ERC1: variants seen among roughly 807,000 people sequenced by gnomAD.
ERC1 encodes the protein RAB6 interacting protein 2.
Under a neutral mutation model 132.0 loss-of-function variants are expected in ERC1, and 56 were observed. The ratio of observed to expected loss-of-function variants is 0.42; its 90% CI spans 0.34 to 0.53. The LOEUF (loss-of-function observed/expected upper bound fraction) is 0.53. Among genes scored for constraint, ERC1 ranks in the 20% least tolerant of loss-of-function variants. The pLI is 0.03. For missense variants in ERC1, 1,202 were observed against 1,349.9 expected (o/e 0.89, Z 1.72); for synonymous variants, 478 against 476.1 (o/e 1.00, Z -0.05).
At chr12:1,311,898 CT>C (rs1200384811) in intron 15 of ERC1, among the ~76,000 whole-genome samples, 1 of 152,160 alleles carries the variant, frequency 6.6e-6, no homozygotes, top group Non-Finnish European at 1.5e-5. Flanking sequence ...AGTATAAAAA[CT>C]TTCCCATTGA....
chr12:1,114,572 C>T (rs1946250197), intron 6 of ERC1, among the ~76,000 whole-genome samples: 1 of 152,078 alleles, frequency 6.6e-6, no homozygotes, highest in African/African-American at 2.4e-5. Flanking sequence ...TTGTTACAAT[C>T]AGTGTGTTAG....
At chr12:1,157,244 A>AG (rs1951489460) in intron 8 of ERC1, among the ~76,000 whole-genome samples, 1 of 152,192 alleles carries the variant, frequency 6.6e-6, no homozygotes, top group South Asian at 2.1e-4. Context: ...GCTGGGCTAC[A>AG]GCCGCACACA....
intron 8 of ERC1, among the ~76,000 whole-genome samples, chr12:1,145,094 G>T (rs932492576): frequency 1.3e-5 from 2 of 151,502 alleles, no homozygotes; most frequent in Non-Finnish European, 2.9e-5. Context: ...TCGGCTCACT[G>T]CAACCTCCGT....
Position 1,236,825 on chromosome 12 carries a change from A to G in ERC1, c.2408A>G (p.Glu803Gly), listed in dbSNP as rs749768354. The G allele has an allele frequency of 2.5e-6, 4 of 1,613,722 alleles. No homozygotes were observed. Among genetic ancestry groups the G allele is most frequent in the Non-Finnish European group, 3.4e-6 (4 of 1,179,822 alleles). The change falls in exon 13 of 19, where the codon GAA (glutamate) becomes GGA (glycine). Residue 803 changes from glutamate (E) to glycine (G), a missense_variant. Glu to Gly is a moderately conservative substitution (Grantham distance 98). Transcript: ENST00000360905. ...VANLKHKEQV[E>G]KKKSAQMLEE... The stretch of plus-strand genomic sequence containing the variant: ...AATCTGAAGCACAAGGAACAGGTGG[A>G]AAAAAAGAAGAGTGCACAAATGTTA...
chr12:1,176,025 C>T (rs1173114449), intron 8 of ERC1, among the ~76,000 whole-genome samples: 1 of 152,110 alleles, frequency 6.6e-6, no homozygotes, highest in African/African-American at 2.4e-5. Context: ...ATATTTTGAC[C>T]TCCTATTGTG....
chr12:1,330,269 C>T (rs2082766137), intron 15 of ERC1, among the ~76,000 whole-genome samples: 1 of 152,172 alleles, frequency 6.6e-6, no homozygotes, highest in Non-Finnish European at 1.5e-5. Context: ...GTGAGTGATC[C>T]TTTCAGCTTT....
At chr12:1,331,230 T>C (rs544032686) in intron 15 of ERC1, among the ~76,000 whole-genome samples, 12 of 152,328 alleles carry the variant, frequency 7.9e-5, no homozygotes, top group African/African-American at 2.9e-4. Flanking sequence ...TTTTACCTGT[T>C]TTGTGTTATA....
chr12:1,196,462 TG>T (rs1196991337), intron 12 of ERC1, among the ~76,000 whole-genome samples: 3 of 151,650 alleles, frequency 2.0e-5, no homozygotes, highest in South Asian at 2.1e-4. Flanking sequence ...CTTTTTGGGT[TG>T]GGGGGGTATG....
chr12:1,210,391 A>G (rs1957754174), intron 12 of ERC1, among the ~76,000 whole-genome samples: 2 of 152,272 alleles, frequency 1.3e-5, no homozygotes, highest in South Asian at 2.1e-4. Context: ...TGCAGTGTTT[A>G]TCCACTGTTG....
At chr12:1,019,419 C>T (rs569065634) in intron 1 of ERC1, among the ~76,000 whole-genome samples, 1 of 152,260 alleles carries the variant, frequency 6.6e-6, no homozygotes, top group Non-Finnish European at 1.5e-5. Context: ...GCCACCGTGC[C>T]CAGCCAAGAC....
At chr12:1,446,128 G>T (rs372435442) in intron 18 of ERC1, among the ~76,000 whole-genome samples, 1 of 152,080 alleles carries the variant, frequency 6.6e-6, no homozygotes, top group Admixed American at 6.6e-5. Context: ...CTCCCTAGAC[G>T]ACATTTTCTG....
intron 8 of ERC1, among the ~76,000 whole-genome samples, chr12:1,176,405 A>G (rs571097048): frequency 3.7e-4 from 56 of 152,118 alleles, no homozygotes; most frequent in Non-Finnish European, 6.8e-4. Context: ...TAGAGGCTTC[A>G]TTGTTCCATT....
chr12:1,050,332 A>T (rs985922240), intron 2 of ERC1, among the ~76,000 whole-genome samples: 1 of 152,202 alleles, frequency 6.6e-6, no homozygotes, highest in Non-Finnish European at 1.5e-5. Flanking sequence ...AGCAAACAGG[A>T]TAGAATGAGA....
chr12:1,436,963 G>A (rs2092967084), intron 17 of ERC1, among the ~76,000 whole-genome samples: 3 of 150,916 alleles, frequency 2.0e-5, no homozygotes, highest in African/African-American at 7.4e-5. Context: ...CAGTAGGGAA[G>A]CCATTCAGAT....
chr12:1,478,871 A>T (rs1053924416), intron 18 of ERC1, among the ~76,000 whole-genome samples: 1 of 151,790 alleles, frequency 6.6e-6, no homozygotes, highest in Non-Finnish European at 1.5e-5. Context: ...TCTCTTTGTG[A>T]TTATTGCTTT....
At chr12:1,247,249 C>G (rs532015474) in intron 13 of ERC1, among the ~76,000 whole-genome samples, 36 of 151,964 alleles carry the variant, frequency 2.4e-4, no homozygotes, top group African/African-American at 8.7e-4. Flanking sequence ...AAAAAAAATC[C>G]GGAAAGAAAG....
At chr12:1,045,987 A>G (rs530311377) in intron 2 of ERC1, among the ~76,000 whole-genome samples, 1 of 152,262 alleles carries the variant, frequency 6.6e-6, no homozygotes, top group Admixed American at 6.5e-5. Context: ...AATGACATAC[A>G]TCAGTACTTT....
chr12:1,472,664 A>AAG lies in ERC1; in HGVS notation c.3214-17425_3214-17424dup, dbSNP rs1310285260. On this transcript the variant is annotated intron_variant, in intron 18 of 18. Transcript: ENST00000360905. ...AACCCTGTCTCAAAAGAAAAAAAAA[A>AAG]AGAGAAGAGAAAAGGAAGGAAGGGA... is the stretch of plus-strand genomic sequence containing the variant. Among the ~76,000 whole-genome samples the AAG allele has an allele frequency of 3.4e-3, 517 of 151,618 alleles. 2 individuals carry two copies. Among genetic ancestry groups the AAG allele is most frequent in the African/African-American group, 0.012 (484 of 41,192 alleles).
chr12:991,247 C>CGGCGGCGGCGGCAGT lies in ERC1; in HGVS notation c.-220_-219insAGTGGCGGCGGCGGC. On this transcript the variant is annotated 5_prime_UTR_variant, in exon 1 of 19. Transcript: ENST00000360905. Reference sequence around the variant, plus strand: ...CGCGGGCGCCTGGGCCGTGCTGTGGCGGCGGCGGCGGCGGTAGTGGCGGCG... The same window carrying CGGCGGCGGCGGCAGT: ...CGCGGGCGCCTGGGCCGTGCTGTGGCGGCGGCGGCGGCAGTGGCGGCGGCGGCGGTAGTGGCGGCG... 4.4e-5 allele frequency: 7 copies of CGGCGGCGGCGGCAGT among 158,100 alleles called. No homozygotes were observed. Among genetic ancestry groups the CGGCGGCGGCGGCAGT allele is most frequent in the Middle Eastern group, 3.0e-3 (1 of 336 alleles). 9.8% of individuals were successfully genotyped at this position (158,100 alleles called of 1,614,324 possible).
Sources: allele counts gnomAD v4.1 joint callset (sites outside exome capture counted in the v4.1 genomes callset), GRCh38; gene constraint gnomAD v4.1.1; transcripts MANE v1.5; gene names NCBI Gene and HGNC (gene_info 2026-07-23, HGNC 2026-07-21).